PHACTR1: variants seen among roughly 807,000 people sequenced by gnomAD.
PHACTR1 encodes the protein RPEL repeat containing 1.
PHACTR1 carries 16 observed loss-of-function variants against 69.2 expected under a neutral mutation model. The ratio of observed to expected loss-of-function variants is 0.23; its 90% CI spans 0.16 to 0.35. PHACTR1 has a LOEUF of 0.35. Among genes scored for constraint, PHACTR1 ranks in the 10% least tolerant of loss-of-function variants. The probability of loss-of-function intolerance (pLI) is 1.00; values close to 1 mark genes in which losing one functional copy is unlikely to be tolerated. For synonymous variants in PHACTR1, 312 were observed against 284.5 expected, an observed-to-expected ratio of 1.10 and a Z score of -0.97; for missense variants, 510 against 734.7, an observed-to-expected ratio of 0.69 and a Z score of 3.54.
At chr6:13,053,257 C>A in intron 4 of PHACTR1, 108 bp from the exon 5 acceptor site, 4 of 1,166,986 alleles carry the variant, frequency 3.4e-6, no homozygotes, top group Non-Finnish European at 4.7e-6. Flanking sequence ...ACTCTAGTCA[C>A]GTGGTTTCTG....
intron 4 of PHACTR1, among the ~76,000 whole-genome samples, chr6:13,030,264 GATA>G (rs1388854383): frequency 1.3e-5 from 2 of 152,164 alleles, no homozygotes; most frequent in Non-Finnish European, 2.9e-5. Context: ...GAGTTTGAAG[GATA>G]ATAAGGAAAA....
At chr6:12,785,922 T>G (rs569244286) in intron 4 of PHACTR1, among the ~76,000 whole-genome samples, 1 of 152,300 alleles carries the variant, frequency 6.6e-6, no homozygotes, top group East Asian at 1.9e-4. Flanking sequence ...CTGACTTTCC[T>G]CAAGGGAATT....
chr6:12,724,720 G>T (rs1762564493), intron 3 of PHACTR1, among the ~76,000 whole-genome samples: 1 of 152,178 alleles, frequency 6.6e-6, no homozygotes, highest in South Asian at 2.1e-4. Flanking sequence ...GAGTCATTCT[G>T]CTGGGAACTC....
At chr6:12,888,434 T>G (rs1783854904) in intron 4 of PHACTR1, among the ~76,000 whole-genome samples, 1 of 152,178 alleles carries the variant, frequency 6.6e-6, no homozygotes, top group African/African-American at 2.4e-5. Flanking sequence ...GCAGCACAAA[T>G]AGACTAAGAC....
At position 13,182,681 on chromosome 6, in the gene PHACTR1, G is replaced by C; in HGVS notation, c.659G>C (p.Gly220Ala). 1 of 1,543,218 alleles carries C rather than the reference G, an allele frequency of 6.5e-7. No individual in the cohort carries two copies. The highest frequency in any genetic ancestry group is 8.7e-7 in the Non-Finnish European group (1 of 1,148,076). Reference protein sequence around the residue: ...EVLQPSDIMDGPDPGAPVKLP... With the variant: ...EVLQPSDIMDAPDPGAPVKLP... The stretch of plus-strand genomic sequence containing the variant: ...CTCCAACCGTCAGACATCATGGATG[G>C]GCCAGGTAATGCCCCGGCAGGATTG... Residue 220 changes from glycine (G) to alanine (A), a missense_variant, in exon 7 of 15, where the codon GGG becomes GCG. By Grantham distance (60) the Gly-to-Ala change is moderately conservative. Coordinates refer to ENST00000332995, the MANE Select transcript of PHACTR1 (RefSeq NM_030948.6).
chr6:13,265,860 A>G (rs750732477), intron 10 of PHACTR1, among the ~76,000 whole-genome samples: 1 of 152,140 alleles, frequency 6.6e-6, no homozygotes, highest in Non-Finnish European at 1.5e-5. Flanking sequence ...GCAAAGTTCC[A>G]TCCTAAGCCC....
At chr6:12,815,708 C>CAGTT (rs1775500892) in intron 4 of PHACTR1, among the ~76,000 whole-genome samples, 1 of 152,204 alleles carries the variant, frequency 6.6e-6, no homozygotes, top group Admixed American at 6.5e-5. Context: ...GGATCTGTTT[C>CAGTT]CTTGTCTTCA....
intron 4 of PHACTR1, among the ~76,000 whole-genome samples, chr6:13,020,386 AC>A (rs1202155570): frequency 1.3e-5 from 2 of 152,234 alleles, no homozygotes; most frequent in African/African-American, 4.8e-5. Context: ...CAGTGAACTT[AC>A]GTGTGAGTAG....
intron 4 of PHACTR1, among the ~76,000 whole-genome samples, chr6:12,820,081 G>A (rs1776032927): frequency 6.6e-6 from 1 of 152,148 alleles, no homozygotes; most frequent in Non-Finnish European, 1.5e-5. Flanking sequence ...AATGGGATGG[G>A]GGTGATTATT....
At chr6:13,242,132 A>C (rs1772947077) in intron 10 of PHACTR1, among the ~76,000 whole-genome samples, 1 of 151,998 alleles carries the variant, frequency 6.6e-6, no homozygotes, top group South Asian at 2.1e-4. Context: ...TTTATTTCTC[A>C]CTGGAGTTAA....
intron 4 of PHACTR1, among the ~76,000 whole-genome samples, chr6:12,981,040 C>A (rs1015639296): frequency 6.6e-6 from 1 of 152,196 alleles, no homozygotes; most frequent in African/African-American, 2.4e-5. Context: ...GGAATGCTTG[C>A]CAAACAGGAT....
chr6:12,897,427 TG>T (rs1049715329), intron 4 of PHACTR1, among the ~76,000 whole-genome samples: 2 of 152,090 alleles, frequency 1.3e-5, no homozygotes, highest in Non-Finnish European at 2.9e-5. Context: ...CTTCTACTAG[TG>T]TTTTCCATTG....
chr6:12,875,874 A>G (rs1782481472), intron 4 of PHACTR1, among the ~76,000 whole-genome samples: 1 of 152,126 alleles, frequency 6.6e-6, no homozygotes, highest in Admixed American at 6.6e-5. Context: ...CGTGCTCTTT[A>G]CAAGTGTGTA....
chr6:12,868,298 C>T (rs1241644477), intron 4 of PHACTR1, among the ~76,000 whole-genome samples: 1 of 150,786 alleles, frequency 6.6e-6, no homozygotes, highest in East Asian at 1.9e-4. Context: ...CTGACCAGTG[C>T]ACATGTCAAC....
At chr6:12,813,595 C>A (rs1252972883) in intron 4 of PHACTR1, among the ~76,000 whole-genome samples, 1 of 152,168 alleles carries the variant, frequency 6.6e-6, no homozygotes, top group Non-Finnish European at 1.5e-5. Flanking sequence ...AATGACCAAC[C>A]AGCCCCTTAG....
At chr6:13,186,441 T>A (rs1455725853) in intron 7 of PHACTR1, among the ~76,000 whole-genome samples, 1 of 152,236 alleles carries the variant, frequency 6.6e-6, no homozygotes, top group African/African-American at 2.4e-5. Flanking sequence ...TCTTCCTTAT[T>A]GCTAAATCGC....
At chr6:13,083,750 T>C (rs1811797873) in intron 5 of PHACTR1, among the ~76,000 whole-genome samples, 1 of 152,134 alleles carries the variant, frequency 6.6e-6, no homozygotes, top group South Asian at 2.1e-4. Flanking sequence ...TCTGTTTGTC[T>C]GTTATTGGTG....
At chr6:12,928,171 G>A (rs9395226) in intron 4 of PHACTR1, among the ~76,000 whole-genome samples, 26,260 of 152,098 alleles carry the variant, frequency 0.17, 5,228 homozygotes, top group African/African-American at 0.49. Flanking sequence ...TCATTAACAC[G>A]TAGAACAGGA....
intron 4 of PHACTR1, among the ~76,000 whole-genome samples, chr6:12,873,668 T>G (rs1782278906): frequency 6.6e-6 from 1 of 152,162 alleles, no homozygotes. Flanking sequence ...AGCATGTGAA[T>G]TCCCCAGACA....
Sources: gnomAD v4.1 joint callset for allele counts (sites outside exome capture counted in the v4.1 genomes callset) on GRCh38, gnomAD v4.1.1 for gene constraint, MANE v1.5 for transcripts, NCBI Gene and HGNC (gene_info 2026-07-23, HGNC 2026-07-21) for gene names.